The following RANBP2 variants were observed in gnomAD, a reference collection of about 807,000 sequenced individuals.
RANBP2 encodes E3 SUMO-protein ligase RanBP2.
RANBP2 carries 57 observed loss-of-function variants against 303.6 expected under a neutral mutation model. The ratio of observed to expected loss-of-function variants is 0.19; its 90% CI spans 0.15 to 0.23. The LOEUF is 0.23. Ranked by LOEUF, RANBP2 falls within the 10% of genes least tolerant of loss-of-function variation. The pLI is 1.00. For synonymous variants in RANBP2, 1,167 were observed against 1,301.5 expected (o/e 0.90, Z 2.23); for missense variants, 3,138 against 3,780.8 (o/e 0.83, Z 4.46).
Position 108,771,712 on chromosome 2 carries a change from A to C in RANBP2, c.7861A>C (p.Lys2621Gln). The change falls in exon 21 of 29, where the codon AAA (lysine) becomes CAA (glutamine). Residue 2621 changes from lysine to glutamine, a missense_variant. Around this residue, in one of 20 missense-constraint regions of RANBP2, gnomAD observed 497 missense variants for 465.8 expected, o/e 1.07. Transcript: ENST00000283195. ...GACTGGTGTTACAGCAAAAGAGAAG[A>C]AAAAACCTGAAGATTCTCCCTCAGA... Reference protein sequence around the residue: ...FKTPEKAKEKKKPEDSPSDDD... With the variant: ...FKTPEKAKEKQKPEDSPSDDD... 6.2e-7 allele frequency: 1 copy of C among 1,613,066 alleles called. No homozygotes were observed. Among genetic ancestry groups the C allele is most frequent in the Non-Finnish European group, 8.5e-7 (1 of 1,179,890 alleles).
the RANBP2 span, among the ~76,000 whole-genome samples, chr2:109,045,538 A>G: frequency 1.3e-5 from 2 of 152,088 alleles, no homozygotes; most frequent in African/African-American, 2.4e-5. Flanking sequence ...GGAGCTAACA[A>G]CGATCTGATA....
chr2:109,721,881 C>T, the RANBP2 span, among the ~76,000 whole-genome samples: 1 of 152,200 alleles, frequency 6.6e-6, no homozygotes, highest in Non-Finnish European at 1.5e-5. Context: ...CCGTGGGCCA[C>T]GCCTCTCTAG....
At chr2:109,611,115 G>A in the RANBP2 span, among the ~76,000 whole-genome samples, 3 of 152,290 alleles carry the variant, frequency 2.0e-5, no homozygotes, top group South Asian at 2.1e-4. Context: ...AAATGGTGCT[G>A]GAGCAACTGG....
At chr2:109,084,710 G>A in the RANBP2 span, among the ~76,000 whole-genome samples, 2 of 152,166 alleles carry the variant, frequency 1.3e-5, no homozygotes, top group South Asian at 2.1e-4. Flanking sequence ...CACAAAGGGC[G>A]TTCCTCATCC....
At chr2:109,247,377 A>G in the RANBP2 span, among the ~76,000 whole-genome samples, 2 of 152,220 alleles carry the variant, frequency 1.3e-5, no homozygotes, top group African/African-American at 4.8e-5. Flanking sequence ...TTACTTCCTA[A>G]GTAACCTAGC....
At chr2:109,105,745 C>T in the RANBP2 span, among the ~76,000 whole-genome samples, 28 of 151,106 alleles carry the variant, frequency 1.9e-4, no homozygotes, top group Admixed American at 4.6e-4. Context: ...TTAGTAGAGT[C>T]GGGGTGTCAT....
chr2:108,915,994 C>G, the RANBP2 span, among the ~76,000 whole-genome samples: 4 of 152,278 alleles, frequency 2.6e-5, no homozygotes, highest in East Asian at 7.7e-4. Context: ...AACAACAGAG[C>G]GTTCCCCCTC....
rs779444838 is a variant in RANBP2 at position 108,753,023 on chromosome 2, A to G, written c.1781A>G (p.Asp594Gly). 1.2e-6 allele frequency: 2 copies of G among 1,609,200 alleles called. No homozygotes were observed. The highest frequency in any genetic ancestry group is 1.7e-6 in the Non-Finnish European group (2 of 1,178,892). The change falls in exon 13 of 29, where the codon GAT (aspartate) becomes GGT (glycine). Residue 594 changes from aspartate to glycine, a missense_variant. By Grantham distance (94) the Asp-to-Gly change is moderately conservative (BLOSUM62 -1). Around this residue, in one of 20 missense-constraint regions of RANBP2, gnomAD observed 162 missense variants for 286.9 expected, o/e 0.56. Coordinates refer to ENST00000283195, the MANE Select transcript of RANBP2 (RefSeq NM_006267.5). ...KTGSGLNSFYDQREYIGRSVH... is the reference protein window; with the variant it reads ...KTGSGLNSFYGQREYIGRSVH... ...GGCAGCGGTCTTAATTCTTTTTATG[A>G]TCAACGAGAATACATAGGGAGAAGT...
chr2:109,646,657 A>ATTTTTTTTTTTTT, the RANBP2 span, among the ~76,000 whole-genome samples: 2 of 119,014 alleles, frequency 1.7e-5, no homozygotes, highest in African/African-American at 3.2e-5. Context: ...ATGACTGGCT[A>ATTTTTTTTTTTTT]TTTTTTTTTT....
the RANBP2 span, among the ~76,000 whole-genome samples, chr2:109,590,614 T>A: frequency 1.3e-5 from 2 of 152,070 alleles, no homozygotes; most frequent in African/African-American, 4.8e-5. Context: ...GTATTTTTAG[T>A]AGAGACAAGG....
chr2:109,416,762 C>G, the RANBP2 span, among the ~76,000 whole-genome samples: 1 of 151,800 alleles, frequency 6.6e-6, no homozygotes, highest in African/African-American at 2.4e-5. Context: ...AAATATTAGC[C>G]GGGGGTGGTA....
chr2:108,904,759 G>A, the RANBP2 span, among the ~76,000 whole-genome samples: 4 of 152,166 alleles, frequency 2.6e-5, no homozygotes. Context: ...CTCTTGAAAT[G>A]ACAAAATTAT....
At chr2:109,289,249 A>G in the RANBP2 span, among the ~76,000 whole-genome samples, 2 of 152,176 alleles carry the variant, frequency 1.3e-5, no homozygotes, top group Admixed American at 6.5e-5. Context: ...GGTGTAATGA[A>G]TGCCACATTA....
At chr2:108,994,887 T>G in the RANBP2 span, among the ~76,000 whole-genome samples, 5 of 146,090 alleles carry the variant, frequency 3.4e-5, no homozygotes. Context: ...CGGAGTGCAG[T>G]GGTGCAATCT....
the RANBP2 span, among the ~76,000 whole-genome samples, chr2:109,148,910 CA>C: frequency 2.0e-5 from 3 of 151,532 alleles, no homozygotes; most frequent in Non-Finnish European, 2.9e-5. Flanking sequence ...TGGTTTTACC[CA>C]AAAAAAATCA....
the RANBP2 span, among the ~76,000 whole-genome samples, chr2:109,496,098 T>G: frequency 5.3e-5 from 8 of 152,298 alleles, no homozygotes; most frequent in Middle Eastern, 3.4e-3. Flanking sequence ...ATTTGTCCCC[T>G]CCCATGTTCT....
chr2:109,636,310 T>G, the RANBP2 span, among the ~76,000 whole-genome samples: 38 of 150,706 alleles, frequency 2.5e-4, no homozygotes, highest in Admixed American at 1.3e-3. Flanking sequence ...CATACCAAGA[T>G]TTTTTTTTTC....
At chr2:108,837,684 TACATA>T in the RANBP2 span, among the ~76,000 whole-genome samples, 1 of 152,316 alleles carries the variant, frequency 6.6e-6, no homozygotes, top group Middle Eastern at 3.4e-3. Context: ...CTATGTAGAG[TACATA>T]ATACTTGATC....
chr2:109,655,476 T>C, the RANBP2 span, among the ~76,000 whole-genome samples: 1 of 152,108 alleles, frequency 6.6e-6, no homozygotes, highest in Non-Finnish European at 1.5e-5. Flanking sequence ...CAGAGGTGAC[T>C]CATGCACAGG....
Sources: allele counts gnomAD v4.1 joint callset (sites outside exome capture counted in the v4.1 genomes callset), GRCh38; gene constraint gnomAD v4.1.1; regional missense constraint gnomAD v4.1.1; transcripts MANE v1.5; gene names NCBI Gene and HGNC (gene_info 2026-07-23, HGNC 2026-07-21).